Variants in TMEM108 observed in about 807,000 individuals in gnomAD.
TMEM108 encodes the protein transmembrane protein 108, also known as cancer/testis antigen 124.
A neutral mutation model predicts 35.1 loss-of-function variants in TMEM108; 12 were observed. That is an observed-to-expected ratio of 0.34 (90% CI 0.22 to 0.55). TMEM108 has a LOEUF of 0.55. Ranked by LOEUF, TMEM108 falls within the 20% of genes least tolerant of loss-of-function variation. The pLI is 0.89. For synonymous variants in TMEM108, 287 were observed against 308.6 expected, an observed-to-expected ratio of 0.93 and a Z score of 0.73; for missense variants, 680 against 753.3, an observed-to-expected ratio of 0.90 and a Z score of 1.14.
intron 3 of TMEM108, among the ~76,000 whole-genome samples, chr3:133,230,087 C>T (rs1946130675): frequency 6.6e-6 from 1 of 152,182 alleles, no homozygotes; most frequent in African/African-American, 2.4e-5. Flanking sequence ...ATTACCCGCT[C>T]CAGGTCAAAC....
At chr3:133,363,389 G>T (rs1032595077) in intron 3 of TMEM108, among the ~76,000 whole-genome samples, 1 of 150,896 alleles carries the variant, frequency 6.6e-6, no homozygotes, top group Non-Finnish European at 1.5e-5. Context: ...CCTTTATGAT[G>T]GTATTTCTTA....
intron 3 of TMEM108, among the ~76,000 whole-genome samples, chr3:133,328,950 A>G (rs146467759): frequency 6.6e-6 from 1 of 152,118 alleles, no homozygotes; most frequent in East Asian, 1.9e-4. Flanking sequence ...TGCTAAATCC[A>G]TGCCTCTGTT....
At chr3:133,158,465 TAAAAAAAAAAA>T (rs11328701) in intron 2 of TMEM108, among the ~76,000 whole-genome samples, 2 of 80,650 alleles carry the variant, frequency 2.5e-5, no homozygotes, top group South Asian at 8.8e-4. Context: ...AGACTCTGTC[TAAAAAAAAAAA>T]AAAAAAAAAA....
chr3:133,082,005 A>G (rs1943816936), intron 2 of TMEM108, among the ~76,000 whole-genome samples: 1 of 152,250 alleles, frequency 6.6e-6, no homozygotes, highest in Non-Finnish European at 1.5e-5. Context: ...GCCGTGGCAG[A>G]TCCTAAAGAC....
chr3:133,299,779 A>G (rs1947193885), intron 3 of TMEM108, among the ~76,000 whole-genome samples: 1 of 152,160 alleles, frequency 6.6e-6, no homozygotes, highest in South Asian at 2.1e-4. Context: ...CTCTTCTGGC[A>G]GAGGGACGTT....
chr3:133,237,329 T>G (rs1946253243), intron 3 of TMEM108, among the ~76,000 whole-genome samples: 1 of 152,148 alleles, frequency 6.6e-6, no homozygotes, highest in Non-Finnish European at 1.5e-5. Flanking sequence ...TAGCTCCTGT[T>G]GAACTTAACA....
chr3:133,223,715 G>C (rs1208613971), intron 2 of TMEM108, among the ~76,000 whole-genome samples: 4 of 152,002 alleles, frequency 2.6e-5, no homozygotes, highest in Non-Finnish European at 5.9e-5. Context: ...AGTTCAGTAA[G>C]GTCACAAAAT....
At chr3:133,074,143 T>C (rs1352877769) in intron 2 of TMEM108, among the ~76,000 whole-genome samples, 2 of 152,134 alleles carry the variant, frequency 1.3e-5, no homozygotes, top group Non-Finnish European at 2.9e-5. Context: ...TTGTTTAAAA[T>C]CACAGGCACA....
At chr3:133,268,945 G>C (rs1946735405) in intron 3 of TMEM108, among the ~76,000 whole-genome samples, 1 of 152,072 alleles carries the variant, frequency 6.6e-6, no homozygotes, top group South Asian at 2.1e-4. Context: ...TTAACTACTG[G>C]GCTTCACACA....
In TMEM108 at chr3:133,151,333, C is replaced by T. The variant is rs1023809738; in HGVS notation, c.-46-77933C>T. The stretch of plus-strand genomic sequence containing the variant: ...CCAAGATGCCCAACAAATAACTTGT[C>T]GAATGAGTGGACAAAGTAATGAATG... On this transcript the variant is annotated intron_variant, in intron 2 of 5. Transcript: ENST00000321871. 1.4e-4 allele frequency among the ~76,000 whole-genome samples: 21 copies of T among 152,136 alleles called. No homozygotes were observed. The South Asian group carries it at 3.1e-3, about 23-fold the overall frequency.
chr3:133,247,299 CTTG>C (rs752688937), intron 3 of TMEM108: 2 of 152,080 alleles, frequency 1.3e-5, no homozygotes, highest in Non-Finnish European at 1.5e-5. Flanking sequence ...CTGCCTTTTG[CTTG>C]TTGTTCACTT....
intron 3 of TMEM108, among the ~76,000 whole-genome samples, chr3:133,353,423 A>G (rs1022169335): frequency 6.6e-6 from 1 of 152,218 alleles, no homozygotes; most frequent in Non-Finnish European, 1.5e-5. Flanking sequence ...TTTAAGTTCA[A>G]GCCTGCAAGA....
chr3:133,093,035 G>A (rs1419231892), intron 2 of TMEM108, among the ~76,000 whole-genome samples: 2 of 151,044 alleles, frequency 1.3e-5, no homozygotes, highest in African/African-American at 4.9e-5. Context: ...TGTCACCCAG[G>A]CTTGAGTGCA....
In TMEM108 at chr3:133,380,210, A is replaced by C; in HGVS notation, c.499A>C (p.Arg167=). ...PPRTTTRRPP[R]PPGSSRKGAG... ...CCGCACTACCACACGCAGGCCCCCC[A>C]GGCCCCCAGGCTCTTCCCGAAAAGG... The change falls in exon 4 of 6, where the codon AGG becomes CGG. Residue 167 remains arginine (R), a synonymous_variant. Transcript: ENST00000321871. This position sits in a 1 kb window ranked among gnomAD's most constrained non-coding sequence, Gnocchi z 5.3. 6.2e-7 allele frequency: 1 copy of C among 1,609,638 alleles called. No individual in the cohort carries two copies. The highest frequency in any genetic ancestry group is 8.5e-7 in the Non-Finnish European group (1 of 1,177,704).
intron 3 of TMEM108, among the ~76,000 whole-genome samples, chr3:133,261,402 A>G (rs1484053829): frequency 6.6e-6 from 1 of 152,192 alleles, no homozygotes; most frequent in Non-Finnish European, 1.5e-5. Flanking sequence ...TACAGCAGTA[A>G]TAACTTAGAC....
intron 2 of TMEM108, among the ~76,000 whole-genome samples, chr3:133,064,494 A>C (rs979247262): frequency 6.6e-6 from 1 of 152,132 alleles, no homozygotes; most frequent in African/African-American, 2.4e-5. Context: ...TGCCAAAAGG[A>C]CTTAATTTTA....
chr3:133,385,893 T>G (rs1044150275), intron 4 of TMEM108, among the ~76,000 whole-genome samples: 1 of 152,208 alleles, frequency 6.6e-6, no homozygotes, highest in African/African-American at 2.4e-5. Flanking sequence ...AAGATGGGAT[T>G]AGGCATATAA....
chr3:133,306,224 A>G (rs1220927984), intron 3 of TMEM108, among the ~76,000 whole-genome samples: 3 of 152,214 alleles, frequency 2.0e-5, no homozygotes, highest in African/African-American at 4.8e-5. Context: ...TACTTCTAAA[A>G]GTCTTAAAAT....
chr3:133,118,052 A>T (rs2107731172), intron 2 of TMEM108, among the ~76,000 whole-genome samples: 1 of 151,958 alleles, frequency 6.6e-6, no homozygotes. Context: ...GGTTTTGGGG[A>T]GTTGGTAGAG....
Sources: gnomAD v4.1 joint callset for allele counts (sites outside exome capture counted in the v4.1 genomes callset) on GRCh38, gnomAD v4.1.1 for gene constraint, Gnocchi (gnomAD v3.1) non-coding constraint, MANE v1.5 for transcripts, NCBI Gene and HGNC (gene_info 2026-07-23, HGNC 2026-07-21) for gene names.